TTC28: variants seen among roughly 807,000 people sequenced by gnomAD.
TTC28 encodes tetratricopeptide repeat domain 28, also known as tetratricopeptide repeat protein 28.
Under a neutral mutation model 198.0 loss-of-function variants are expected in TTC28, and 61 were observed. That is an observed-to-expected ratio of 0.31 (90% confidence interval 0.25 to 0.38). TTC28 has a LOEUF of 0.38. TTC28 is among the 10% of genes least tolerant of loss of function. The pLI is 1.00. For synonymous variants in TTC28, 1,171 were observed against 1,297.8 expected (o/e 0.90, Z 2.10); for missense variants, 2,678 against 3,164.0 (o/e 0.85, Z 3.69).
chr22:28,498,202 C>T (rs1425919267), intron 2 of TTC28, among the ~76,000 whole-genome samples: 1 of 151,050 alleles, frequency 6.6e-6, no homozygotes, highest in Non-Finnish European at 1.5e-5. Flanking sequence ...GGTGGTAATT[C>T]TCCTCACATG....
intron 13 of TTC28, among the ~76,000 whole-genome samples, chr22:28,018,555 A>G (rs1601522343): frequency 1.3e-5 from 2 of 152,106 alleles, no homozygotes; most frequent in South Asian, 4.1e-4. Context: ...CTTCCTGCCC[A>G]CGCCTCTTCC....
chr22:28,562,943 C>A (rs1020001124), intron 2 of TTC28, among the ~76,000 whole-genome samples: 12 of 151,990 alleles, frequency 7.9e-5, no homozygotes, highest in African/African-American at 2.9e-4. Flanking sequence ...GGCAACATAG[C>A]AAAACCCTGT....
intron 2 of TTC28, among the ~76,000 whole-genome samples, chr22:28,405,148 C>T (rs1344206561): frequency 6.6e-6 from 1 of 152,140 alleles, no homozygotes; most frequent in Non-Finnish European, 1.5e-5. Flanking sequence ...TTTACTCATA[C>T]ACAATTCATC....
chr22:28,231,511 T>A (rs1928800663), intron 5 of TTC28, among the ~76,000 whole-genome samples: 1 of 152,212 alleles, frequency 6.6e-6, no homozygotes, highest in Non-Finnish European at 1.5e-5. Context: ...CCTCCTACAG[T>A]CACAAGATAA....
intron 6 of TTC28, among the ~76,000 whole-genome samples, chr22:28,111,827 A>T (rs1260928270): frequency 6.6e-6 from 1 of 152,150 alleles, no homozygotes; most frequent in Non-Finnish European, 1.5e-5. Context: ...GCAAGTGGTG[A>T]GAGGCAATTG....
intron 2 of TTC28, among the ~76,000 whole-genome samples, chr22:28,506,127 A>G (rs2048609425): frequency 6.6e-6 from 1 of 152,188 alleles, no homozygotes; most frequent in Admixed American, 6.5e-5. Flanking sequence ...AGGGTTCTAA[A>G]GACAGAGTCC....
chr22:28,028,100 C>T (rs1055752438), intron 13 of TTC28, among the ~76,000 whole-genome samples: 2 of 152,198 alleles, frequency 1.3e-5, no homozygotes, highest in Admixed American at 6.5e-5. Flanking sequence ...CACATTGAAG[C>T]GAGAAGAACG....
chr22:28,380,111 GC>G (rs966051029), intron 2 of TTC28, among the ~76,000 whole-genome samples: 1 of 128,356 alleles, frequency 7.8e-6, no homozygotes, highest in African/African-American at 2.5e-5. Flanking sequence ...TTCTAGTTTT[GC>G]AACATTTCTG....
At chr22:28,415,364 G>T (rs2047152955) in intron 2 of TTC28, among the ~76,000 whole-genome samples, 1 of 152,084 alleles carries the variant, frequency 6.6e-6, no homozygotes, top group Admixed American at 6.6e-5. Flanking sequence ...AAAAAAAAAT[G>T]TAGTACAGAT....
chr22:28,156,940 A>G (rs964267720), intron 6 of TTC28, among the ~76,000 whole-genome samples: 1 of 152,224 alleles, frequency 6.6e-6, no homozygotes, highest in Non-Finnish European at 1.5e-5. Context: ...TAGAGGAAAA[A>G]AATTAAGATC....
At chr22:27,985,922 T>A (rs1937197258) in intron 21 of TTC28, 1 of 154,588 alleles carries the variant, frequency 6.5e-6, no homozygotes, top group African/African-American at 2.4e-5. Flanking sequence ...GCTCCCTAAT[T>A]CTAAGGATTC....
At chr22:28,277,607 C>T (rs1281002692) in intron 5 of TTC28, among the ~76,000 whole-genome samples, 8 of 152,228 alleles carry the variant, frequency 5.3e-5, no homozygotes, top group South Asian at 2.1e-4. Context: ...ACTGGACACA[C>T]GGTAGATTTT....
chr22:28,092,496 T>A (rs1461361941), intron 12 of TTC28, among the ~76,000 whole-genome samples: 1 of 152,200 alleles, frequency 6.6e-6, no homozygotes, highest in Non-Finnish European at 1.5e-5. Flanking sequence ...AGATTCTCTC[T>A]CCCTTTCATA....
chr22:28,675,735 T>TCACTCGCACACACACACA (rs1555910098), intron 1 of TTC28, among the ~76,000 whole-genome samples: 3 of 135,118 alleles, frequency 2.2e-5, no homozygotes, highest in South Asian at 2.5e-4. Context: ...TGAAACCCTG[T>TCACTCGCACACACACACA]CACACACACA....
intron 2 of TTC28, among the ~76,000 whole-genome samples, chr22:28,343,760 C>T (rs1358648502): frequency 6.6e-6 from 1 of 152,146 alleles, no homozygotes; most frequent in South Asian, 2.1e-4. Flanking sequence ...TTCTGCCTAC[C>T]AGATACAGCT....
At chr22:28,242,953 T>C (rs773609516) in intron 5 of TTC28, among the ~76,000 whole-genome samples, 12 of 151,020 alleles carry the variant, frequency 7.9e-5, no homozygotes, top group Non-Finnish European at 1.6e-4. Context: ...TGTGACAAGA[T>C]AGGTACAGAA....
intron 1 of TTC28, among the ~76,000 whole-genome samples, chr22:28,661,859 G>A (rs974460764): frequency 1.3e-5 from 2 of 151,866 alleles, no homozygotes; most frequent in East Asian, 1.9e-4. Flanking sequence ...CACCTGCCTC[G>A]GCCTCCCAAA....
At chr22:28,527,117 T>A (rs1258095467) in intron 2 of TTC28, among the ~76,000 whole-genome samples, 1 of 152,168 alleles carries the variant, frequency 6.6e-6, no homozygotes, top group African/African-American at 2.4e-5. Flanking sequence ...AGGACACCAG[T>A]GGCACTCTGC....
intron 2 of TTC28, chr22:28,460,057 T>C (rs1256439030): frequency 6.6e-6 from 1 of 152,162 alleles, no homozygotes; most frequent in African/African-American, 2.4e-5. Context: ...ATATAAAATT[T>C]TCGGGAAAAA....
Sources: allele counts gnomAD v4.1 joint callset (sites outside exome capture counted in the v4.1 genomes callset), GRCh38; gene constraint gnomAD v4.1.1; transcripts MANE v1.5; gene names NCBI Gene and HGNC (gene_info 2026-07-23, HGNC 2026-07-21).